The following PREX1 variants were observed in gnomAD, a reference collection of about 807,000 sequenced individuals.
PREX1 encodes the protein phosphatidylinositol 3,4,5-trisphosphate-dependent Rac exchanger 1 protein.
PREX1 carries 41 observed loss-of-function variants against 198.3 expected under a neutral mutation model. The ratio of observed to expected loss-of-function variants is 0.21; its 90% CI spans 0.16 to 0.27. The LOEUF is 0.27. Ranked by LOEUF, PREX1 falls within the 10% of genes least tolerant of loss-of-function variation. The pLI is 1.00. For missense variants in PREX1, 1,620 were observed against 2,200.7 expected (o/e 0.74, Z 5.28); for synonymous variants, 843 against 887.2 (o/e 0.95, Z 0.89).
rs146018524 is a variant in PREX1 at position 48,820,048 on chromosome 20, G to A, written c.219+7594C>T. 4.9e-3 allele frequency among the ~76,000 whole-genome samples: 743 copies of A among 152,238 alleles called. 3 individuals carry two copies. The highest frequency in any genetic ancestry group is 6.7e-3 in the Non-Finnish European group (456 of 68,014). On this transcript the variant is annotated intron_variant, in intron 1 of 39. Transcript: ENST00000371941. ...AGTCCCGCCAGCCTGAAATAGTCTCGCCTCCCCTGGCCCAGAATCAAGGGA... is the reference window on the plus strand; with the variant it reads ...AGTCCCGCCAGCCTGAAATAGTCTCACCTCCCCTGGCCCAGAATCAAGGGA...
chr20:48,751,117 G>C (rs1601113631), intron 1 of PREX1, among the ~76,000 whole-genome samples: 1 of 152,330 alleles, frequency 6.6e-6, no homozygotes, highest in South Asian at 2.1e-4. Flanking sequence ...GGTTTGGAAT[G>C]CGCCTGGCAC....
At position 48,651,557 on chromosome 20, in the gene PREX1, G is replaced by A. The variant is rs780805102; in HGVS notation, c.2494C>T (p.Arg832Trp). 28 of 1,613,810 alleles carry A rather than the reference G, an allele frequency of 1.7e-5. No individual in the cohort carries two copies. Among genetic ancestry groups the A allele is most frequent in the Non-Finnish European group, 2.2e-5 (26 of 1,179,858 alleles). Residue 832 changes from arginine (R) to tryptophan (W), a missense_variant, in exon 22 of 40, where the codon CGG (arginine) becomes TGG (tryptophan). By Grantham distance (101) the Arg-to-Trp change is moderately radical (BLOSUM62 -3). This residue lies in a region of PREX1 where 514 missense variants were observed against 611.6 expected (regional missense o/e 0.84). Coordinates refer to ENST00000371941, the MANE Select transcript of PREX1 (RefSeq NM_020820.4). ...SAFPLLSLGP[R>W]LSLCEDSPMV... ...GGGCTGTCCTCACACAGGCTCAGCC[G>A]GGGACCCAGGGACAGCAGTGGGAAG...
At chr20:48,651,180 T>C in intron 22 of PREX1, 125 bp from the exon 23 acceptor site, 1 of 1,327,600 alleles carries the variant, frequency 7.5e-7, no homozygotes, top group Middle Eastern at 1.9e-4. Context: ...TGCTGGCCCA[T>C]ATTGCACGGG....
rs932248240 is a variant in PREX1, at chr20:48,668,545, G to A, written c.1666-2190C>T. Among the ~76,000 whole-genome samples, 15 of 152,290 alleles carry A rather than the reference G, an allele frequency of 9.8e-5. 1 individual carries two copies. In the East Asian group the frequency reaches 2.5e-3, roughly 26 times the overall value. On this transcript the variant is annotated intron_variant, in intron 14 of 39. Transcript: ENST00000371941. Reference sequence around the variant, plus strand: ...AGAATGAGGAGCCCTGAGAGGCCCCGCCTGTACCCTCCCGTCCACAGCCAG... The same window carrying A: ...AGAATGAGGAGCCCTGAGAGGCCCCACCTGTACCCTCCCGTCCACAGCCAG...
chr20:48,746,708 A>C (rs1158227892), intron 2 of PREX1, among the ~76,000 whole-genome samples: 1 of 152,164 alleles, frequency 6.6e-6, no homozygotes, highest in African/African-American at 2.4e-5. Flanking sequence ...CACGCACTGC[A>C]TTCAGCACTA....
At chr20:48,770,968 A>C (rs2090232720) in intron 1 of PREX1, among the ~76,000 whole-genome samples, 1 of 152,142 alleles carries the variant, frequency 6.6e-6, no homozygotes, top group Non-Finnish European at 1.5e-5. Flanking sequence ...GGCACCTGCG[A>C]TGGGGCACCA....
intron 15 of PREX1, among the ~76,000 whole-genome samples, chr20:48,661,444 A>AAAAAAAAAAAATATATATAT (rs1555832820): frequency 4.0e-5 from 2 of 49,596 alleles, no homozygotes; most frequent in Non-Finnish European, 6.2e-5. Flanking sequence ...AAAAAAAAAA[A>AAAAAAAAAAAATATATATAT]ATATATATAT....
chr20:48,653,217 A>G (rs1309123891), intron 20 of PREX1, 144 bp downstream of exon 20: 1 of 1,294,900 alleles, frequency 7.7e-7, no homozygotes, highest in Non-Finnish European at 1.1e-6. Flanking sequence ...GCTCAGGCCC[A>G]GCTCCCTCTT....
At chr20:48,681,396 G>C in intron 10 of PREX1, 61 bp from the exon 11 acceptor site, 1 of 1,533,672 alleles carries the variant, frequency 6.5e-7, no homozygotes, top group Middle Eastern at 1.7e-4. Flanking sequence ...ACAGGAATCA[G>C]CACTAAGCTG....
chr20:48,650,861 G>C, intron 23 of PREX1, 33 bp downstream of exon 23: 1 of 1,610,810 alleles, frequency 6.2e-7, no homozygotes, highest in East Asian at 2.2e-5. Flanking sequence ...TCTGGGACCT[G>C]TGGCAGAGAC....
rs185905176 is a variant in PREX1 at position 48,645,579 on chromosome 20, G to A, written c.3512+272C>T. ...TCTTGCCCTTGTGCCTGACAACATC[G>A]TGTCAGCATGTGTGGGGTGACACTG... On this transcript the variant is annotated intron_variant, in intron 26 of 39. Transcript: ENST00000371941. Among the ~76,000 whole-genome samples, 28 of 152,276 alleles carry A rather than the reference G, an allele frequency of 1.8e-4. No individual in the cohort carries two copies. The East Asian group carries it at 3.1e-3, about 17-fold the overall frequency.
the PREX1 span, among the ~76,000 whole-genome samples, chr20:48,847,957 GA>G: frequency 3.8e-3 from 584 of 152,250 alleles, 3 homozygotes; most frequent in African/African-American, 0.011. Context: ...TTTCATTGTT[GA>G]GTAGTGTCCC....
the PREX1 span, among the ~76,000 whole-genome samples, chr20:48,842,081 CAG>C: frequency 6.6e-6 from 1 of 151,878 alleles, no homozygotes; most frequent in Non-Finnish European, 1.5e-5. Flanking sequence ...GTGCTGTTGA[CAG>C]GGGGCTAATG....
chr20:48,767,338 C>T (rs2090213326), intron 1 of PREX1, among the ~76,000 whole-genome samples: 1 of 152,076 alleles, frequency 6.6e-6, no homozygotes, highest in Admixed American at 6.5e-5. Flanking sequence ...GACAGAGCCC[C>T]CGAGGAGGGA....
chr20:48,729,005 C>T (rs939225493), intron 4 of PREX1, among the ~76,000 whole-genome samples: 1 of 152,098 alleles, frequency 6.6e-6, no homozygotes, highest in Non-Finnish European at 1.5e-5. Context: ...AATGGCAGCA[C>T]GTTCCTGGAC....
chr20:48,887,778 C>G, the PREX1 span, among the ~76,000 whole-genome samples: 1 of 152,056 alleles, frequency 6.6e-6, no homozygotes, highest in African/African-American at 2.4e-5. Context: ...AACCCCGTCT[C>G]TACTAAAAAT....
chr20:48,825,320 CCTT>C (rs2090504139), intron 1 of PREX1, among the ~76,000 whole-genome samples: 1 of 152,130 alleles, frequency 6.6e-6, no homozygotes. Flanking sequence ...ATTCCCCGCT[CCTT>C]GTTTCACAGG....
chr20:48,634,010 G>T (rs1341297104), intron 33 of PREX1, among the ~76,000 whole-genome samples: 1 of 151,494 alleles, frequency 6.6e-6, no homozygotes, highest in Non-Finnish European at 1.5e-5. Context: ...TGGATGGATG[G>T]ACAGATGTTT....
intron 30 of PREX1, 82 bp from the exon 31 acceptor site, chr20:48,637,834 T>C: frequency 1.6e-6 from 2 of 1,284,260 alleles, no homozygotes; most frequent in East Asian, 2.4e-5. Context: ...CCCCTCCCCA[T>C]GGCACCTCCC....
Sources: gnomAD v4.1 joint callset for allele counts (sites outside exome capture counted in the v4.1 genomes callset) on GRCh38, gnomAD v4.1.1 for gene constraint, gnomAD v4.1.1 regional missense constraint, MANE v1.5 for transcripts, NCBI Gene and HGNC (gene_info 2026-07-23, HGNC 2026-07-21) for gene names.